The following BAG3 variants were observed in gnomAD, a reference collection of about 807,000 sequenced individuals.
BAG3 encodes the protein BAG cochaperone 3, also known as BAG family molecular chaperone regulator 3.
BAG3 carries 14 observed loss-of-function variants against 40.5 expected under a neutral mutation model. The ratio of observed to expected loss-of-function variants is 0.35; its 90% CI spans 0.23 to 0.54. BAG3 has a LOEUF of 0.54. BAG3 is among the 20% of genes least tolerant of loss of function. BAG3 has a pLI of 0.91. For missense variants in BAG3, 788 were observed against 758.6 expected, an observed-to-expected ratio of 1.04 and a Z score of -0.46; for synonymous variants, 302 against 307.8, an observed-to-expected ratio of 0.98 and a Z score of 0.20.
At position 119,651,405 on chromosome 10, in the gene BAG3, C is replaced by A. The variant is rs144814361; in HGVS notation, c.-271C>A. Reference sequence around the variant, plus strand: ...GCATCCAACCCCGGGCCGCGGCCAACTTCTCTGGACTGGACCAGAAGTTTC... The same window carrying A: ...GCATCCAACCCCGGGCCGCGGCCAAATTCTCTGGACTGGACCAGAAGTTTC... On this transcript the variant is annotated 5_prime_UTR_variant, in exon 1 of 4. Coordinates refer to ENST00000369085, the MANE Select transcript of BAG3 (RefSeq NM_004281.4). 8.7e-6 allele frequency: 3 copies of A among 346,812 alleles called. No homozygotes were observed. The highest frequency in any genetic ancestry group is 4.9e-5 in the Admixed American group (1 of 20,408). 21.5% of individuals were successfully genotyped at this position (346,812 alleles called of 1,614,324 possible).
Position 119,672,808 on chromosome 10 carries a change from T to A in BAG3, c.909+152T>A. ...TGAGATTCGAGAAATTGCTAGGTATTAACAGAAATGCAGGACAGTTGCTCA... is the reference window on the plus strand; with the variant it reads ...TGAGATTCGAGAAATTGCTAGGTATAAACAGAAATGCAGGACAGTTGCTCA... On this transcript the variant is annotated intron_variant, in intron 3 of 3. Transcript: ENST00000369085. This position sits in a 1 kb window ranked among gnomAD's most constrained non-coding sequence, Gnocchi z 4.8. 8.5e-7 allele frequency: 1 copy of A among 1,178,256 alleles called. No individual in the cohort carries two copies. Among genetic ancestry groups the A allele is most frequent in the Non-Finnish European group, 1.2e-6 (1 of 827,028 alleles). 73.0% of individuals were successfully genotyped at this position (1,178,256 alleles called of 1,614,324 possible). A position where few individuals can be genotyped will look rare whatever the true frequency, so the allele number is the denominator to read the frequency against.
chr10:119,673,528 C>T (rs553897925), intron 3 of BAG3, among the ~76,000 whole-genome samples: 95 of 152,320 alleles, frequency 6.2e-4, no homozygotes, highest in South Asian at 1.2e-3. Flanking sequence ...AAGCAGCTCA[C>T]AGCTTAGCAG....
At chr10:119,676,030 A>G (rs1847230144) in intron 3 of BAG3, among the ~76,000 whole-genome samples, 1 of 143,088 alleles carries the variant, frequency 7.0e-6, no homozygotes. Flanking sequence ...GGCTCAAGCG[A>G]TTCTTCCGCC....
rs191671607 is a variant in BAG3, at chr10:119,655,879, G to A, written c.180+4024G>A. Among the ~76,000 whole-genome samples the A allele has an allele frequency of 2.4e-3, 364 of 152,166 alleles. 2 individuals are homozygous for A. Among genetic ancestry groups the A allele is most frequent in the African/African-American group, 8.5e-3 (352 of 41,520 alleles). Reference sequence around the variant, plus strand: ...TTTATGAGGGTGGAGCCTGTACACAGGACCTGCGGCAGCGTTTGACGTTGG... The same window carrying A: ...TTTATGAGGGTGGAGCCTGTACACAAGACCTGCGGCAGCGTTTGACGTTGG... On this transcript the variant is annotated intron_variant, in intron 1 of 3. Coordinates refer to ENST00000369085, the MANE Select transcript of BAG3 (RefSeq NM_004281.4).
chr10:119,655,712 A>T (rs1280378234), intron 1 of BAG3, among the ~76,000 whole-genome samples: 4 of 152,104 alleles, frequency 2.6e-5, no homozygotes, highest in South Asian at 4.2e-4. Context: ...GGGGCAGATG[A>T]ACAGCATGGC....
chr10:119,674,814 C>T (rs76087321), intron 3 of BAG3, among the ~76,000 whole-genome samples: 2 of 144,388 alleles, frequency 1.4e-5, no homozygotes, highest in African/African-American at 5.1e-5. Context: ...ACTAAAAATA[C>T]AAAAAAAAAA....
chr10:119,672,589 C>T lies in BAG3; in HGVS notation c.842C>T (p.Ala281Val). The T allele has an allele frequency of 1.2e-6, 2 of 1,614,142 alleles. No homozygotes were observed. The highest frequency in any genetic ancestry group is 1.7e-6 in the Non-Finnish European group (2 of 1,180,030). Residue 281 changes from alanine (A) to valine (V), a missense_variant, in exon 3 of 4, where the codon GCC becomes GTC. Transcript: ENST00000369085. This position sits in a 1 kb window ranked among gnomAD's most constrained non-coding sequence, Gnocchi z 4.8. The part of the protein sequence containing the change: ...QGASSREGSP[A>V]RSSTPLHSPS... ...GCATCGAGCCGGGAGGGCTCACCAG[C>T]CAGGAGCAGCACGCCACTCCACTCC... is the stretch of plus-strand genomic sequence containing the variant.
rs577455773 is a variant in BAG3, at chr10:119,677,205, C to G, written c.1651C>G (p.Gln551Glu). 1.9e-6 allele frequency: 3 copies of G among 1,614,136 alleles called. No individual in the cohort carries two copies. Among genetic ancestry groups the G allele is most frequent in the Admixed American group, 3.3e-5 (2 of 60,030 alleles). Residue 551 changes from glutamine to glutamate, a missense_variant, in exon 4 of 4, where the codon CAG (glutamine) becomes GAG (glutamate). Transcript: ENST00000369085. ...NAEDPHTETQ[Q>E]PEATAAATSN... ...AGAAGATCCCCACACAGAAACCCAG[C>G]AGCCAGAAGCCACAGCAGCAGCGAC...
At chr10:119,652,847 G>GA (rs1846862701) in intron 1 of BAG3, among the ~76,000 whole-genome samples, 1 of 152,156 alleles carries the variant, frequency 6.6e-6, no homozygotes, top group South Asian at 2.1e-4. Context: ...ATGTAAATTT[G>GA]GAATGAGTGT....
At position 119,677,172 on chromosome 10, in the gene BAG3, G is replaced by A. The variant is rs1847251228; in HGVS notation, c.1618G>A (p.Gly540Arg). The A allele has an allele frequency of 1.2e-6, 2 of 1,613,980 alleles. No individual in the cohort carries two copies. The highest frequency in any genetic ancestry group is 1.7e-6 in the Non-Finnish European group (2 of 1,180,014). Residue 540 changes from glycine (G) to arginine (R), a missense_variant, in exon 4 of 4, where the codon GGA becomes AGA. Coordinates refer to ENST00000369085, the MANE Select transcript of BAG3 (RefSeq NM_004281.4). Reference protein sequence around the residue: ...VAADKGKKNAGNAEDPHTETQ... With the variant: ...VAADKGKKNARNAEDPHTETQ... ...AGCAGACAAGGGCAAGAAAAATGCT[G>A]GAAATGCAGAAGATCCCCACACAGA...
chr10:119,663,515 T>C (rs1272680292), intron 1 of BAG3, among the ~76,000 whole-genome samples: 1 of 152,098 alleles, frequency 6.6e-6, no homozygotes, highest in East Asian at 1.9e-4. Flanking sequence ...TTGGACAGGC[T>C]GGTCTCAAAC....
rs557535632 is a variant in BAG3 at position 119,651,383 on chromosome 10, T to A, written c.-293T>A. Reference sequence around the variant, plus strand: ...CGATGACTCAGGGCGGAGCTCCGCATCCAACCCCGGGCCGCGGCCAACTTC... The same window carrying A: ...CGATGACTCAGGGCGGAGCTCCGCAACCAACCCCGGGCCGCGGCCAACTTC... On this transcript the variant is annotated 5_prime_UTR_variant, in exon 1 of 4. Transcript: ENST00000369085. The A allele has an allele frequency of 2.9e-3, 873 of 302,260 alleles. 1 individual carries two copies. Among genetic ancestry groups the A allele is most frequent in the Non-Finnish European group, 4.7e-3 (783 of 165,716 alleles). The allele number at this position is 302,260 out of a possible 1,614,324, so 18.7% of individuals were successfully genotyped here. A position where few individuals can be genotyped will look rare whatever the true frequency, so the allele number is the denominator to read the frequency against.
chr10:119,659,489 T>C (rs1453009853), intron 1 of BAG3, among the ~76,000 whole-genome samples: 1 of 151,550 alleles, frequency 6.6e-6, no homozygotes, highest in Non-Finnish European at 1.5e-5. Context: ...GAAGGAGGGG[T>C]TTTCCAAGTG....
Position 119,672,268 on chromosome 10 carries a change from C to T in BAG3, c.521C>T (p.Pro174Leu), listed in dbSNP as rs1434276928. The change falls in exon 3 of 4, where the codon CCA becomes CTA. Residue 174 changes from proline to leucine, a missense_variant. Transcript: ENST00000369085. This position sits in a 1 kb window ranked among gnomAD's most constrained non-coding sequence, Gnocchi z 4.8. ...TGTCTCTTGCAGCGGTCCCAGTCTC[C>T]AGCTGCCTCTGACTGCTCATCCTCA... ...ASHGPERSQSPAASDCSSSSS... is the reference protein window; with the variant it reads ...ASHGPERSQSLAASDCSSSSS... 1.2e-6 allele frequency: 2 copies of T among 1,613,458 alleles called. No individual in the cohort carries two copies. Among genetic ancestry groups the T allele is most frequent in the Non-Finnish European group, 1.7e-6 (2 of 1,180,038 alleles).
At chr10:119,666,253 C>A (rs1847065066) in intron 1 of BAG3, among the ~76,000 whole-genome samples, 1 of 152,152 alleles carries the variant, frequency 6.6e-6, no homozygotes, top group South Asian at 2.1e-4. Context: ...GGGTGGACCT[C>A]AGCCCCCACT....
chr10:119,668,893 C>A (rs1847102708), intron 1 of BAG3, among the ~76,000 whole-genome samples: 1 of 152,202 alleles, frequency 6.6e-6, no homozygotes, highest in South Asian at 2.1e-4. Flanking sequence ...AGAGACTGGG[C>A]ACAACTTCAA....
intron 1 of BAG3, among the ~76,000 whole-genome samples, chr10:119,664,942 G>A (rs1847038094): frequency 6.6e-6 from 1 of 151,744 alleles, no homozygotes; most frequent in Non-Finnish European, 1.5e-5. Flanking sequence ...TTTTTTGGCA[G>A]AGTTTCACTC....
chr10:119,671,417 A>T (rs779219326), intron 2 of BAG3, among the ~76,000 whole-genome samples: 6 of 152,266 alleles, frequency 3.9e-5, no homozygotes, highest in Admixed American at 6.5e-5. Context: ...AAGCACTTAG[A>T]AGAGGAAATG....
chr10:119,653,405 A>G lies in BAG3; in HGVS notation c.180+1550A>G, dbSNP rs967595542. 1.3e-5 allele frequency among the ~76,000 whole-genome samples: 2 copies of G among 152,156 alleles called. 1 individual carries two copies. The highest frequency in any genetic ancestry group is 4.1e-4 in the South Asian group (2 of 4,830). ...TTTGAAGCCTTCTTCCTGTAGACAT[A>G]GGGATAGTGGTATCTGTTGGCAGCC... On this transcript the variant is annotated intron_variant, in intron 1 of 3. Coordinates refer to ENST00000369085, the MANE Select transcript of BAG3 (RefSeq NM_004281.4).
Sources: allele counts gnomAD v4.1 joint callset (sites outside exome capture counted in the v4.1 genomes callset), GRCh38; gene constraint gnomAD v4.1.1; non-coding constraint Gnocchi (gnomAD v3.1); transcripts MANE v1.5; gene names NCBI Gene and HGNC (gene_info 2026-07-23, HGNC 2026-07-21).